The following CDH12 variants were observed in gnomAD, a reference collection of about 807,000 sequenced individuals.
The protein encoded by CDH12 is cadherin-12.
Under a neutral mutation model 74.1 loss-of-function variants are expected in CDH12, and 41 were observed. The observed-to-expected ratio is 0.55, with a 90% CI of 0.43 to 0.72. The LOEUF (loss-of-function observed/expected upper bound fraction) is 0.72, where lower values mean the gene tolerates loss of function less well. Ranked by LOEUF, CDH12 falls within the 30% of genes least tolerant of loss-of-function variation. CDH12 has a pLI of 0.00. For missense variants in CDH12, 945 were observed against 977.2 expected, an observed-to-expected ratio of 0.97 and a Z score of 0.44; for synonymous variants, 399 against 355.0, an observed-to-expected ratio of 1.12 and a Z score of -1.39.
intron 4 of CDH12, among the ~76,000 whole-genome samples, chr5:22,104,692 A>G (rs1258985288): frequency 1.3e-5 from 2 of 152,210 alleles, no homozygotes; most frequent in Non-Finnish European, 2.9e-5. Context: ...CGGAGAGCCC[A>G]TAGTCCTTTA....
chr5:21,999,884 G>A (rs983504288), intron 5 of CDH12, among the ~76,000 whole-genome samples: 2 of 151,760 alleles, frequency 1.3e-5, no homozygotes, highest in Non-Finnish European at 2.9e-5. Context: ...CTTTGTATGT[G>A]TAAAAGGGAA....
rs1387888148 is a variant in CDH12, at chr5:22,207,136, G to C, written c.-187+5362C>G. Among the ~76,000 whole-genome samples the C allele has an allele frequency of 3.3e-5, 5 of 149,282 alleles. No homozygotes were observed. In the East Asian group the frequency reaches 9.9e-4, roughly 30 times the overall value. On this transcript the variant is annotated intron_variant, in intron 4 of 14. Transcript: ENST00000382254. ...CGGGAGGCTAAGGCAGGAGAATGGC[G>C]TGAACCTGGGAGGCAGAGCTTGCAG... is the stretch of plus-strand genomic sequence containing the variant.
At chr5:22,375,480 C>G (rs891546241) in intron 3 of CDH12, among the ~76,000 whole-genome samples, 1 of 152,004 alleles carries the variant, frequency 6.6e-6, no homozygotes, top group African/African-American at 2.4e-5. Context: ...AGCTTCTACA[C>G]AGCAGAGAGA....
rs1464634250 is a variant in CDH12 at position 21,769,173 on chromosome 5, T to C, written c.1394-4074A>G. 4.6e-5 allele frequency among the ~76,000 whole-genome samples: 7 copies of C among 152,210 alleles called. No individual in the cohort carries two copies. The East Asian group carries it at 1.2e-3, about 25-fold the overall frequency. ...AATATCACGGTAAAAGACTTTTTTA[T>C]TCTAACACTGTGCACAGAATAAGAA... On this transcript the variant is annotated intron_variant, in intron 11 of 14. Transcript: ENST00000382254.
intron 1 of CDH12, among the ~76,000 whole-genome samples, chr5:22,770,829 T>C (rs892486767): frequency 2.0e-5 from 3 of 152,148 alleles, no homozygotes; most frequent in African/African-American, 7.2e-5. Context: ...TCACATGCTT[T>C]ACTCACATTT....
At chr5:22,233,760 G>A (rs998811753) in intron 3 of CDH12, among the ~76,000 whole-genome samples, 1 of 152,092 alleles carries the variant, frequency 6.6e-6, no homozygotes, top group Non-Finnish European at 1.5e-5. Flanking sequence ...ACTAGATAAG[G>A]CCTATAAATT....
chr5:22,478,238 G>A (rs1490984965), intron 2 of CDH12, among the ~76,000 whole-genome samples: 1 of 151,830 alleles, frequency 6.6e-6, no homozygotes, highest in Non-Finnish European at 1.5e-5. Flanking sequence ...CTAACACCGT[G>A]AAACTCCGTC....
At position 22,224,354 on chromosome 5, in the gene CDH12, G is replaced by C. The variant is rs560517222; in HGVS notation, c.-332-11711C>G. 3.3e-5 allele frequency among the ~76,000 whole-genome samples: 5 copies of C among 152,108 alleles called. No individual in the cohort carries two copies. In the South Asian group the frequency reaches 8.3e-4, roughly 25 times the overall value. ...ACAAATTGAGGCTAACATAAATTAT[G>C]ATATGAACAAACACAAATTCTGACC... On this transcript the variant is annotated intron_variant, in intron 3 of 14. Coordinates refer to ENST00000382254, the MANE Select transcript of CDH12 (RefSeq NM_004061.5).
At chr5:22,113,486 T>A (rs1267971689) in intron 4 of CDH12, among the ~76,000 whole-genome samples, 1 of 152,142 alleles carries the variant, frequency 6.6e-6, no homozygotes, top group Non-Finnish European at 1.5e-5. Flanking sequence ...CAGTTATCAA[T>A]CAGAAAATGT....
At chr5:22,320,228 T>C (rs1738810674) in intron 3 of CDH12, among the ~76,000 whole-genome samples, 1 of 152,058 alleles carries the variant, frequency 6.6e-6, no homozygotes, top group Admixed American at 6.6e-5. Context: ...AAACAAAATG[T>C]TAAAAGTGAA....
chr5:22,531,296 T>C (rs1448166861), intron 1 of CDH12, among the ~76,000 whole-genome samples: 1 of 152,152 alleles, frequency 6.6e-6, no homozygotes, highest in Non-Finnish European at 1.5e-5. Context: ...ACAGATGCCA[T>C]AATACCATCT....
intron 1 of CDH12, among the ~76,000 whole-genome samples, chr5:22,583,106 T>G (rs944228653): frequency 3.3e-5 from 5 of 152,154 alleles, no homozygotes; most frequent in Non-Finnish European, 7.3e-5. Context: ...GCATCCTCTC[T>G]AGGAGAATCT....
In CDH12 at chr5:22,387,524, T is replaced by A. The variant is rs183676404; in HGVS notation, c.-333+17733A>T. 1.9e-4 allele frequency among the ~76,000 whole-genome samples: 29 copies of A among 152,284 alleles called. No individual in the cohort carries two copies. The East Asian group carries it at 4.8e-3, about 25-fold the overall frequency. On this transcript the variant is annotated intron_variant, in intron 3 of 14. Coordinates refer to ENST00000382254, the MANE Select transcript of CDH12 (RefSeq NM_004061.5). ...CACTAAGGTTCCTTAATGACTGGTA[T>A]TGACTTTGTAGCACAAAAGCCTATT...
At chr5:22,660,377 A>G (rs1432997282) in intron 1 of CDH12, among the ~76,000 whole-genome samples, 3 of 152,222 alleles carry the variant, frequency 2.0e-5, no homozygotes, top group Non-Finnish European at 2.9e-5. Context: ...GCCTCACTAC[A>G]TTAAAATTCC....
At chr5:22,632,548 G>A (rs1738641169) in intron 1 of CDH12, among the ~76,000 whole-genome samples, 1 of 152,056 alleles carries the variant, frequency 6.6e-6, no homozygotes, top group South Asian at 2.1e-4. Flanking sequence ...CACTGAAGAT[G>A]TTCAAAAGTT....
intron 6 of CDH12, among the ~76,000 whole-genome samples, chr5:21,871,809 C>T (rs564962296): frequency 1.1e-4 from 17 of 152,150 alleles, no homozygotes; most frequent in Middle Eastern, 3.4e-3. Context: ...GTATGACTTC[C>T]GAAAGTGTGA....
At chr5:22,363,340 A>G (rs1433464258) in intron 3 of CDH12, among the ~76,000 whole-genome samples, 1 of 152,178 alleles carries the variant, frequency 6.6e-6, no homozygotes, top group Non-Finnish European at 1.5e-5. Flanking sequence ...TATAACATTT[A>G]TTAAACATTT....
intron 1 of CDH12, among the ~76,000 whole-genome samples, chr5:22,609,350 T>G (rs1348806204): frequency 1.3e-5 from 2 of 152,192 alleles, no homozygotes; most frequent in Non-Finnish European, 2.9e-5. Flanking sequence ...AATATATATG[T>G]TCTCTCTTTG....
chr5:22,311,320 T>A (rs530974018), intron 3 of CDH12, among the ~76,000 whole-genome samples: 24 of 152,306 alleles, frequency 1.6e-4, no homozygotes, highest in East Asian at 9.7e-4. Flanking sequence ...ATAACATAAA[T>A]TATTGATTGG....
Sources: gnomAD v4.1 joint callset for allele counts (sites outside exome capture counted in the v4.1 genomes callset) on GRCh38, gnomAD v4.1.1 for gene constraint, MANE v1.5 for transcripts, NCBI Gene and HGNC (gene_info 2026-07-23, HGNC 2026-07-21) for gene names.